DLG5: variants seen among roughly 807,000 people sequenced by gnomAD.
DLG5 encodes disks large homolog 5.
A neutral mutation model predicts 189.8 loss-of-function variants in DLG5; 48 were observed. The ratio of observed to expected loss-of-function variants is 0.25; its 90% CI spans 0.20 to 0.32. The LOEUF is 0.32. Ranked by LOEUF, DLG5 falls within the 10% of genes least tolerant of loss-of-function variation. The pLI is 1.00. For missense variants in DLG5, 2,160 were observed against 2,544.7 expected (o/e 0.85, Z 3.25); for synonymous variants, 1,016 against 1,054.1 (o/e 0.96, Z 0.70).
chr10:77,803,528 T>C (rs1841321479), intron 27 of DLG5, among the ~76,000 whole-genome samples: 1 of 152,140 alleles, frequency 6.6e-6, no homozygotes, highest in African/African-American at 2.4e-5. Flanking sequence ...ACTGGTAATG[T>C]CAATAAAAAT....
intron 13 of DLG5, among the ~76,000 whole-genome samples, 176 bp downstream of exon 13, chr10:77,828,706 A>T (rs1404707252): frequency 3.3e-5 from 5 of 152,068 alleles, no homozygotes; most frequent in African/African-American, 1.2e-4. Context: ...TTATTTCCTA[A>T]TTTTCTACAG....
At chr10:77,816,881 G>T in intron 19 of DLG5, 126 bp downstream of exon 19, 2 of 1,377,848 alleles carry the variant, frequency 1.5e-6, no homozygotes, top group Non-Finnish European at 2.0e-6. Context: ...CCTACTGCTG[G>T]GCTCAGTGAA....
intron 9 of DLG5, among the ~76,000 whole-genome samples, chr10:77,832,145 T>C (rs931746495): frequency 6.6e-6 from 1 of 152,062 alleles, no homozygotes; most frequent in African/African-American, 2.4e-5. Context: ...GAAGCAGAGG[T>C]TGCAGTAAGC....
At chr10:77,795,244 A>G (rs1247951355) in intron 29 of DLG5, among the ~76,000 whole-genome samples, 2 of 152,224 alleles carry the variant, frequency 1.3e-5, no homozygotes, top group African/African-American at 4.8e-5. Context: ...GGACCTTCTG[A>G]AAGCCCTGCC....
intron 1 of DLG5, among the ~76,000 whole-genome samples, chr10:77,900,402 C>T (rs1361153305): frequency 6.6e-6 from 1 of 152,196 alleles, no homozygotes; most frequent in African/African-American, 2.4e-5. Flanking sequence ...AACGCACCTA[C>T]CTATCACCTA....
Position 77,883,141 on chromosome 10 carries a change from A to T in DLG5, c.305-13944T>A, listed in dbSNP as rs1299998852. ...AAGCAAGCAGGTATGAGCTTCAGGA[A>T]CCTGTCTCCAGCAACTGTGAACTGG... On this transcript the variant is annotated intron_variant, in intron 1 of 31. Coordinates refer to ENST00000372391, the MANE Select transcript of DLG5 (RefSeq NM_004747.4). Among the ~76,000 whole-genome samples, 3 of 152,124 alleles carry T rather than the reference A, an allele frequency of 2.0e-5. No individual in the cohort carries two copies. The East Asian group carries it at 5.8e-4, about 29-fold the overall frequency.
chr10:77,817,172 C>T, intron 18 of DLG5, 76 bp from the exon 19 acceptor site: 2 of 1,326,284 alleles, frequency 1.5e-6, no homozygotes, highest in East Asian at 2.3e-5. Flanking sequence ...CACCAGGCTA[C>T]CAGTCAGGAT....
chr10:77,889,886 TA>T (rs973492677), intron 1 of DLG5, among the ~76,000 whole-genome samples: 1 of 152,050 alleles, frequency 6.6e-6, no homozygotes, highest in Non-Finnish European at 1.5e-5. Context: ...GACACAATGA[TA>T]GGGAGGGGCA....
At chr10:77,820,749 C>A in intron 15 of DLG5, 1 of 328,354 alleles carries the variant, frequency 3.0e-6, no homozygotes, top group South Asian at 7.3e-5. Context: ...CACTCAGCCT[C>A]ACACGTGCCA....
At chr10:77,806,960 G>T (rs373108292) in intron 25 of DLG5, 32 bp from the exon 26 acceptor site, 90 of 1,591,944 alleles carry the variant, frequency 5.7e-5, no homozygotes, top group Non-Finnish European at 7.0e-5. Flanking sequence ...ACACGATCAG[G>T]CGGCTCTGGC....
intron 1 of DLG5, among the ~76,000 whole-genome samples, chr10:77,921,538 C>T (rs1846534143): frequency 6.6e-6 from 1 of 152,234 alleles, no homozygotes; most frequent in Admixed American, 6.5e-5. Context: ...CTCCAGATTA[C>T]CTCTGCATCC....
rs7923333 is a variant in DLG5, at chr10:77,915,252, G to A, written c.304+10965C>T. ...TGAGGCAGGAGAATTGCTTGAACCC[G>A]GGGGACGAAGGTTGCAGTGAACCAA... On this transcript the variant is annotated intron_variant, in intron 1 of 31. Transcript: ENST00000372391. 9.0e-3 allele frequency among the ~76,000 whole-genome samples: 1,365 copies of A among 151,946 alleles called. 24 individuals are homozygous for A. The highest frequency in any genetic ancestry group is 0.031 in the African/African-American group (1,280 of 41,414).
At position 77,833,925 on chromosome 10, in the gene DLG5, C is replaced by T. The variant is rs1399533665; in HGVS notation, c.1737G>A (p.Leu579=). The part of the protein sequence containing the change: ...RKQKNDVSRE[L]KELKEQMESQ... Reference sequence around the variant, plus strand: ...CCACCCGAGCCTACTTGAGCTCCTTCAGCTCGCGGCTGACATCATTCTTCT... The same window carrying T: ...CCACCCGAGCCTACTTGAGCTCCTTTAGCTCGCGGCTGACATCATTCTTCT... The change falls in exon 9 of 32, where the codon CTG becomes CTA. Residue 579 remains leucine (L), a synonymous_variant. Coordinates refer to ENST00000372391, the MANE Select transcript of DLG5 (RefSeq NM_004747.4). 1.2e-6 allele frequency: 2 copies of T among 1,606,562 alleles called. No individual in the cohort carries two copies. Among genetic ancestry groups the T allele is most frequent in the South Asian group, 2.2e-5 (2 of 91,046 alleles).
At chr10:77,884,649 G>C (rs897486483) in intron 1 of DLG5, among the ~76,000 whole-genome samples, 3 of 152,072 alleles carry the variant, frequency 2.0e-5, no homozygotes, top group Non-Finnish European at 4.4e-5. Context: ...CTCAAGGAGC[G>C]CTCAGGGAAA....
chr10:77,892,773 G>A (rs974729918), intron 1 of DLG5, among the ~76,000 whole-genome samples: 9 of 152,334 alleles, frequency 5.9e-5, no homozygotes, highest in Admixed American at 4.6e-4. Flanking sequence ...AAAACAATAC[G>A]TGTACATGAT....
In DLG5 at chr10:77,817,892, G is replaced by A; in HGVS notation, c.3672-3C>T. On this transcript the variant is annotated splice_polypyrimidine_tract_variant and splice_region_variant and intron_variant, in intron 17 of 31. Transcript: ENST00000372391. Reference sequence around the variant, plus strand: ...TCAGGCGTCCCTGGTGCTGGACACTGCGTAAAAACAAGAGGTGAGGAGTTC... The same window carrying A: ...TCAGGCGTCCCTGGTGCTGGACACTACGTAAAAACAAGAGGTGAGGAGTTC... 6.4e-7 allele frequency: 1 copy of A among 1,550,994 alleles called. No homozygotes were observed. The highest frequency in any genetic ancestry group is 8.7e-7 in the Non-Finnish European group (1 of 1,146,614).
chr10:77,925,991 G>A (rs1050519110), intron 1 of DLG5, among the ~76,000 whole-genome samples: 29 of 152,216 alleles, frequency 1.9e-4, no homozygotes, highest in Non-Finnish European at 3.5e-4. Context: ...GCACCTGAGA[G>A]TGAAGGCCTT....
intron 3 of DLG5, among the ~76,000 whole-genome samples, chr10:77,855,946 C>A (rs746406592): frequency 2.6e-5 from 4 of 152,218 alleles, no homozygotes; most frequent in Non-Finnish European, 5.9e-5. Context: ...CTGCCCCACC[C>A]TATGGGCCAC....
At chr10:77,847,674 A>G (rs1843761370) in intron 5 of DLG5, among the ~76,000 whole-genome samples, 1 of 152,280 alleles carries the variant, frequency 6.6e-6, no homozygotes, top group East Asian at 1.9e-4. Flanking sequence ...GCGCACACAC[A>G]CACACACACC....
Sources: allele counts gnomAD v4.1 joint callset (sites outside exome capture counted in the v4.1 genomes callset), GRCh38; gene constraint gnomAD v4.1.1; transcripts MANE v1.5; gene names NCBI Gene and HGNC (gene_info 2026-07-23, HGNC 2026-07-21).